Variants in PLEKHA3 observed in about 807,000 individuals in gnomAD.
The protein encoded by PLEKHA3 is pleckstrin homology domain containing A3, also known as pleckstrin homology domain-containing family A member 3.
In PLEKHA3, 19 loss-of-function variants were observed where a neutral mutation model predicts 39.2. That is an observed-to-expected ratio of 0.48 (90% CI 0.34 to 0.71). The LOEUF (loss-of-function observed/expected upper bound fraction) is 0.71, where lower values mean the gene tolerates loss of function less well. PLEKHA3 is among the 30% of genes least tolerant of loss of function. PLEKHA3 has a pLI of 0.01. For missense variants in PLEKHA3, 253 were observed against 359.5 expected, an observed-to-expected ratio of 0.70 and a Z score of 2.40; for synonymous variants, 97 against 118.6, an observed-to-expected ratio of 0.82 and a Z score of 1.18.
chr2:178,481,096 A>G (rs1199008181), intron 1 of PLEKHA3, among the ~76,000 whole-genome samples, 187 bp downstream of exon 1: 1 of 151,912 alleles, frequency 6.6e-6, no homozygotes, highest in Non-Finnish European at 1.5e-5. Flanking sequence ...CACCTTCTAG[A>G]GGGTGGGAAG....
chr2:178,512,209 A>G lies in PLEKHA3; in HGVS notation c.*8322A>G, dbSNP rs1685699207. On this transcript the variant is annotated 3_prime_UTR_variant, in exon 8 of 8. Transcript: ENST00000234453. ...TTTTTGGACTAGCATTAGTTGTTGAATAAATAAATAATTCAGAATGTATCC... is the reference window on the plus strand; with the variant it reads ...TTTTTGGACTAGCATTAGTTGTTGAGTAAATAAATAATTCAGAATGTATCC... 1 of 152,236 alleles carries G rather than the reference A, an allele frequency of 6.6e-6. No homozygotes were observed. The highest frequency in any genetic ancestry group is 2.4e-5 in the African/African-American group (1 of 41,464). The allele number at this position is 152,236 out of a possible 1,614,324, so 9.4% of individuals were successfully genotyped here. A position where few individuals can be genotyped will look rare whatever the true frequency, so the allele number is the denominator to read the frequency against.
Position 178,496,880 on chromosome 2 carries a change from A to G in PLEKHA3, c.615+1220A>G, listed in dbSNP as rs369022293. Among the ~76,000 whole-genome samples, 51 of 151,858 alleles carry G rather than the reference A, an allele frequency of 3.4e-4. No homozygotes were observed. The South Asian group carries it at 0.01, about 30-fold the overall frequency. ...GCCTGGCTATGTTTTTTAATTTATTATTTGTAGAGATGGGGGGGGTCTCAT... is the reference window on the plus strand; with the variant it reads ...GCCTGGCTATGTTTTTTAATTTATTGTTTGTAGAGATGGGGGGGGTCTCAT... On this transcript the variant is annotated intron_variant, in intron 5 of 7. Transcript: ENST00000234453.
intron 3 of PLEKHA3, among the ~76,000 whole-genome samples, chr2:178,491,957 T>G (rs1685354251): frequency 6.6e-6 from 1 of 152,042 alleles, no homozygotes; most frequent in Non-Finnish European, 1.5e-5. Context: ...TCCCAAGAGG[T>G]TGAGAACTCA....
chr2:178,486,660 A>G (rs1685254824), intron 2 of PLEKHA3, among the ~76,000 whole-genome samples: 3 of 152,312 alleles, frequency 2.0e-5, no homozygotes, highest in South Asian at 4.1e-4. Context: ...TTTACTCAAC[A>G]TCATGTTTGT....
intron 1 of PLEKHA3, among the ~76,000 whole-genome samples, chr2:178,483,885 C>T (rs1221133631): frequency 6.6e-6 from 1 of 152,116 alleles, no homozygotes; most frequent in Non-Finnish European, 1.5e-5. Context: ...TTGAGACCAG[C>T]CTGGGCAACA....
At chr2:178,493,491 A>G (rs1685390173) in intron 3 of PLEKHA3, among the ~76,000 whole-genome samples, 1 of 152,262 alleles carries the variant, frequency 6.6e-6, no homozygotes, top group Admixed American at 6.5e-5. Context: ...GAGAAAAACC[A>G]ACATCAGAAC....
At position 178,515,042 on chromosome 2, in the gene PLEKHA3, C is replaced by CTTTTTT. The variant is rs201122688; in HGVS notation, c.*11169_*11174dup. ...TTTTTGGTCTTATAACATTCTCTCT[C>CTTTTTT]TTTTTTTTTTTTTTTTTTTGTAGCA... On this transcript the variant is annotated 3_prime_UTR_variant, in exon 8 of 8. Coordinates refer to ENST00000234453, the MANE Select transcript of PLEKHA3 (RefSeq NM_019091.4). 2.4e-5 allele frequency: 3 copies of CTTTTTT among 123,790 alleles called. No individual in the cohort carries two copies. The highest frequency in any genetic ancestry group is 8.7e-5 in the Admixed American group (1 of 11,558). 7.7% of individuals were successfully genotyped at this position (123,790 alleles called of 1,614,324 possible).
At position 178,515,820 on chromosome 2, in the gene PLEKHA3, CT is replaced by C. The variant is rs1685754303; in HGVS notation, c.*11940del. On this transcript the variant is annotated 3_prime_UTR_variant, in exon 8 of 8. Transcript: ENST00000234453. ...TATAATTGGCTTTCCAAAATTTTCA[CT>C]TTTTTTCAGTTAACTAGTTGAATAG... The C allele has an allele frequency of 6.6e-6, 1 of 151,974 alleles. No homozygotes were observed. Among genetic ancestry groups the C allele is most frequent in the African/African-American group, 2.4e-5 (1 of 41,410 alleles). The allele number at this position is 151,974 out of a possible 1,614,324, so 9.4% of individuals were successfully genotyped here.
At chr2:178,498,093 TAATCTC>T (rs1266562391) in intron 5 of PLEKHA3, among the ~76,000 whole-genome samples, 1 of 152,204 alleles carries the variant, frequency 6.6e-6, no homozygotes, top group African/African-American at 2.4e-5. Flanking sequence ...TTTATATAGT[TAATCTC>T]AATGAATTCA....
chr2:178,483,590 C>T (rs1685205978), intron 1 of PLEKHA3, among the ~76,000 whole-genome samples: 1 of 152,168 alleles, frequency 6.6e-6, no homozygotes, highest in Admixed American at 6.5e-5. Flanking sequence ...TGCAGTACTG[C>T]AGGCTTGCAA....
Position 178,509,576 on chromosome 2 carries a change from C to G in PLEKHA3, c.*5689C>G, listed in dbSNP as rs936181547. 1 of 151,702 alleles carries G rather than the reference C, an allele frequency of 6.6e-6. No individual in the cohort carries two copies. The highest frequency in any genetic ancestry group is 1.5e-5 in the Non-Finnish European group (1 of 68,036). The allele number at this position is 151,702 out of a possible 1,614,324, so 9.4% of individuals were successfully genotyped here. On this transcript the variant is annotated 3_prime_UTR_variant, in exon 8 of 8. Coordinates refer to ENST00000234453, the MANE Select transcript of PLEKHA3 (RefSeq NM_019091.4). ...CACTGCAGTCTCGACCTCCCAGGCT[C>G]AAATGATCCTTTTACCTCAGCCTCC... is the stretch of plus-strand genomic sequence containing the variant.
rs1305019009 is a variant in PLEKHA3, at chr2:178,503,769, A to G, written c.785A>G (p.His262Arg). Residue 262 changes from histidine to arginine, a missense_variant, in exon 8 of 8, where the codon CAC (histidine) becomes CGC (arginine). This residue lies in a region of PLEKHA3 where 127 missense variants were observed against 136.8 expected (regional missense o/e 0.93). Transcript: ENST00000234453. ...ATCAATGTCTTCATAGGACCTGTTC[A>G]CTGTTCAAAAAATACACTTAATGGA... ...IPLEDPDRPV[H>R]CSKNTLNGDL... is the part of the protein sequence containing the mutation. 6.2e-7 allele frequency: 1 copy of G among 1,611,330 alleles called. No homozygotes were observed. Among genetic ancestry groups the G allele is most frequent in the Non-Finnish European group, 8.5e-7 (1 of 1,178,018 alleles).
At chr2:178,495,385 C>G (rs556394540) in intron 4 of PLEKHA3, 111 bp from the exon 5 acceptor site, 2 of 1,020,864 alleles carry the variant, frequency 2.0e-6, no homozygotes, top group African/African-American at 3.3e-5. Flanking sequence ...TAAATTTGAA[C>G]ATAACATAGT....
intron 1 of PLEKHA3, among the ~76,000 whole-genome samples, chr2:178,481,154 C>A (rs1446674214): frequency 6.6e-6 from 1 of 152,152 alleles, no homozygotes; most frequent in Non-Finnish European, 1.5e-5. Flanking sequence ...TCCTTGCCTC[C>A]TGTAGCCTCA....
chr2:178,490,994 A>G (rs1181915417), intron 3 of PLEKHA3, among the ~76,000 whole-genome samples, 180 bp downstream of exon 3: 1 of 151,350 alleles, frequency 6.6e-6, no homozygotes, highest in African/African-American at 2.4e-5. Flanking sequence ...GGAATGGCTC[A>G]ATAAACTCTT....
intron 7 of PLEKHA3, among the ~76,000 whole-genome samples, chr2:178,503,428 ATAGT>A (rs1057484952): frequency 1.1e-4 from 17 of 152,000 alleles, no homozygotes; most frequent in African/African-American, 3.9e-4. Context: ...TGAAAAAGCA[ATAGT>A]TAATTAATAA....
At chr2:178,490,147 C>A (rs1685321174) in intron 2 of PLEKHA3, among the ~76,000 whole-genome samples, 1 of 152,118 alleles carries the variant, frequency 6.6e-6, no homozygotes, top group Non-Finnish European at 1.5e-5. Flanking sequence ...AGATGAATGT[C>A]TTCAAAATAT....
intron 5 of PLEKHA3, among the ~76,000 whole-genome samples, chr2:178,497,714 T>C (rs1685469968): frequency 6.6e-6 from 1 of 152,096 alleles, no homozygotes; most frequent in African/African-American, 2.4e-5. Flanking sequence ...CTGAGGTTGA[T>C]AGACAAAGGG....
At chr2:178,491,473 T>C (rs1274680068) in intron 3 of PLEKHA3, among the ~76,000 whole-genome samples, 1 of 152,204 alleles carries the variant, frequency 6.6e-6, no homozygotes, top group Non-Finnish European at 1.5e-5. Context: ...TATGTAAGAA[T>C]TGGTCAGATT....
Sources: gnomAD v4.1 joint callset for allele counts (sites outside exome capture counted in the v4.1 genomes callset) on GRCh38, gnomAD v4.1.1 for gene constraint, gnomAD v4.1.1 regional missense constraint, MANE v1.5 for transcripts, NCBI Gene and HGNC (gene_info 2026-07-23, HGNC 2026-07-21) for gene names.